ALDH16A1: variants seen among roughly 807,000 people sequenced by gnomAD.
ALDH16A1 encodes aldehyde dehydrogenase family 16 member A1.
Under a neutral mutation model 96.1 loss-of-function variants are expected in ALDH16A1, and 88 were observed. The observed-to-expected ratio is 0.92, with a 90% CI of 0.77 to 1.09. The LOEUF (loss-of-function observed/expected upper bound fraction) is 1.09. Among genes scored for constraint, ALDH16A1 ranks in the 50% least tolerant of loss-of-function variants. ALDH16A1 has a pLI of 0.00. For missense variants in ALDH16A1, 1,250 were observed against 1,112.6 expected (o/e 1.12, Z -1.76); for synonymous variants, 522 against 496.4 (o/e 1.05, Z -0.69).
In ALDH16A1 at chr19:49,460,820, A is replaced by G; in HGVS notation, c.500-2A>G. The G allele has an allele frequency of 6.2e-7, 1 of 1,611,234 alleles. No homozygotes were observed. The stretch of plus-strand genomic sequence containing the variant: ...TCCTCTTGCCTCATTTTTTTCTTGC[A>G]GGAGTAATTGGCCTCATCCTGCCAC... On this transcript the variant is annotated splice_acceptor_variant, in intron 4 of 16. Coordinates refer to ENST00000293350, the MANE Select transcript of ALDH16A1 (RefSeq NM_153329.4). LOFTEE classifies it high-confidence loss of function.
chr19:49,461,831 G>A (rs368534216), intron 6 of ALDH16A1, 31 bp downstream of exon 6: 13 of 1,603,052 alleles, frequency 8.1e-6, no homozygotes, highest in South Asian at 3.3e-5. Context: ...GTGGCGGAAC[G>A]CGGCTGGGGG....
In ALDH16A1 at chr19:49,460,917, G is replaced by A. The variant is rs979181412; in HGVS notation, c.577+18G>A. ...GGCTGTGGGTAAATGATGGCCTGGGGGGTCCTGACTCTTGGGTCTGAGAAA... is the reference window on the plus strand; with the variant it reads ...GGCTGTGGGTAAATGATGGCCTGGGAGGTCCTGACTCTTGGGTCTGAGAAA... On this transcript the variant is annotated intron_variant, in intron 5 of 16. Coordinates refer to ENST00000293350, the MANE Select transcript of ALDH16A1 (RefSeq NM_153329.4). 1.2e-6 allele frequency: 2 copies of A among 1,609,838 alleles called. No individual in the cohort carries two copies. The highest frequency in any genetic ancestry group is 2.7e-5 in the African/African-American group (2 of 74,928).
chr19:49,465,904 G>A lies in ALDH16A1; in HGVS notation c.1735G>A (p.Gly579Ser), dbSNP rs1274738058. The A allele has an allele frequency of 2.5e-6, 4 of 1,613,400 alleles. No homozygotes were observed. In the South Asian group the frequency reaches 4.4e-5, roughly 18 times the overall value. ...GGAGGCCGCTCACCAGGCTTTCCCT[G>A]GGTAAGGGGTCACACGGGAAAGCCC... ...AVEAAHQAFP[G>S]WAGQSPGARA... is the part of the protein sequence containing the mutation. Residue 579 changes from glycine to serine, a missense_variant and splice_region_variant, in exon 13 of 17, where the codon GGC becomes AGC. By Grantham distance (56) the Gly-to-Ser change is moderately conservative. Coordinates refer to ENST00000293350, the MANE Select transcript of ALDH16A1 (RefSeq NM_153329.4).
At position 49,461,909 on chromosome 19, in the gene ALDH16A1, T is replaced by TG. The variant is rs1481728363; in HGVS notation, c.787dup (p.Ala263GlyfsTer56). ...GAAGGGCGTGCCCTTCGACGGAGCC[T>TG]GGCGGGAGAGTGTGCGGAGCTGGGC... On this transcript the variant is annotated frameshift_variant, in exon 7 of 17. Transcript: ENST00000293350. LOFTEE classifies it high-confidence loss of function. The TG allele has an allele frequency of 6.3e-7, 1 of 1,582,254 alleles. No individual in the cohort carries two copies. Among genetic ancestry groups the TG allele is most frequent in the Non-Finnish European group, 8.6e-7 (1 of 1,164,892 alleles).
rs1568645508 is a variant in ALDH16A1, at chr19:49,453,441, G to GC, written c.90+21dup. 2 of 1,513,778 alleles carry GC rather than the reference G, an allele frequency of 1.3e-6. No individual in the cohort carries two copies. Among genetic ancestry groups the GC allele is most frequent in the South Asian group, 2.4e-5 (2 of 83,010 alleles). 93.8% of individuals were successfully genotyped at this position (1,513,778 alleles called of 1,614,324 possible). ...GCACTGGTGAGAGTCTGCCCGGCCG[G>GC]CGCTGCTCGCTGCGTTCCCCAGGCC... On this transcript the variant is annotated intron_variant, in intron 1 of 16. Coordinates refer to ENST00000293350, the MANE Select transcript of ALDH16A1 (RefSeq NM_153329.4).
In ALDH16A1 at chr19:49,461,683, G is replaced by T. The variant is rs775119440; in HGVS notation, c.642G>T (p.Ala214=). ...SPAPLLLAQL[A]GELGPFPGIL... ...CGCCCCTCCTCCTGGCCCAGCTGGCGGGGGAGCTGGGCCCCTTCCCGGGAA... is the reference window on the plus strand; with the variant it reads ...CGCCCCTCCTCCTGGCCCAGCTGGCTGGGGAGCTGGGCCCCTTCCCGGGAA... The change falls in exon 6 of 17, where the codon GCG becomes GCT. Residue 214 remains alanine (A), a synonymous_variant. Transcript: ENST00000293350. 27 of 1,607,486 alleles carry T rather than the reference G, an allele frequency of 1.7e-5. No individual in the cohort carries two copies. In the South Asian group the frequency reaches 2.3e-4, roughly 14 times the overall value.
intron 7 of ALDH16A1, 66 bp from the exon 8 acceptor site, chr19:49,462,504 A>C (rs983941943): frequency 2.1e-5 from 33 of 1,540,878 alleles, no homozygotes; most frequent in Non-Finnish European, 2.9e-5. Context: ...CTCTGTCTTC[A>C]CTCTTCAGAT....
chr19:49,465,913 G>T lies in ALDH16A1; in HGVS notation c.1736+8G>T, dbSNP rs1481924998. 6.2e-7 allele frequency: 1 copy of T among 1,612,750 alleles called. No homozygotes were observed. Among genetic ancestry groups the T allele is most frequent in the Admixed American group, 1.7e-5 (1 of 59,848 alleles). ...TCACCAGGCTTTCCCTGGGTAAGGG[G>T]TCACACGGGAAAGCCCAAGGGTCAT... On this transcript the variant is annotated splice_region_variant and intron_variant, in intron 13 of 16. Transcript: ENST00000293350.
Position 49,459,728 on chromosome 19 carries a change from A to G in ALDH16A1, c.379A>G (p.Thr127Ala). The G allele has an allele frequency of 3.1e-6, 5 of 1,613,380 alleles. No individual in the cohort carries two copies. Among genetic ancestry groups the G allele is most frequent in the Non-Finnish European group, 4.2e-6 (5 of 1,179,770 alleles). ...RLLWTLESLV[T>A]GRAVREVRDG... ...GCTGTGGACCCTGGAATCCCTGGTGACTGGGCGGGCTGTTCGAGAGGTTCG... is the reference window on the plus strand; with the variant it reads ...GCTGTGGACCCTGGAATCCCTGGTGGCTGGGCGGGCTGTTCGAGAGGTTCG... The change falls in exon 4 of 17, where the codon ACT becomes GCT. Residue 127 changes from threonine (T) to alanine (A), a missense_variant. Thr to Ala is a moderately conservative substitution (Grantham distance 58). Coordinates refer to ENST00000293350, the MANE Select transcript of ALDH16A1 (RefSeq NM_153329.4). This position sits in a 1 kb window ranked among gnomAD's most constrained non-coding sequence, Gnocchi z 4.1.
rs1054043068 is a variant in ALDH16A1 at position 49,468,182 on chromosome 19, G to T, written c.1939-199G>T. 3 of 540,476 alleles carry T rather than the reference G, an allele frequency of 5.6e-6. No individual in the cohort carries two copies. The highest frequency in any genetic ancestry group is 2.0e-5 in the African/African-American group (1 of 50,898). The allele number at this position is 540,476 out of a possible 1,614,324, so 33.5% of individuals were successfully genotyped here. A position where few individuals can be genotyped will look rare whatever the true frequency, so the allele number is the denominator to read the frequency against. On this transcript the variant is annotated intron_variant, in intron 14 of 16. Transcript: ENST00000293350. This position sits in a 1 kb window ranked among gnomAD's most constrained non-coding sequence, Gnocchi z 4.4. ...CTCAAAAAAAAAAAAAAAGAAAGGC[G>T]GTTATGCAGGATGTTTCTCACCGCC... is the stretch of plus-strand genomic sequence containing the variant.
rs2079158751 is a variant in ALDH16A1, at chr19:49,462,498, G to A, written c.913-72G>A. ...CCATGTCCCTAGTTTTCCAGCCTCT[G>A]TCTTCACTCTTCAGATCACCAACTT... On this transcript the variant is annotated intron_variant, in intron 7 of 16. Transcript: ENST00000293350. 1.4e-5 allele frequency: 21 copies of A among 1,526,146 alleles called. No individual in the cohort carries two copies. The South Asian group carries it at 2.6e-4, about 19-fold the overall frequency. 94.5% of individuals were successfully genotyped at this position (1,526,146 alleles called of 1,614,324 possible).
intron 1 of ALDH16A1, among the ~76,000 whole-genome samples, chr19:49,455,697 A>T (rs948453278): frequency 6.6e-6 from 1 of 151,878 alleles, no homozygotes; most frequent in African/African-American, 2.4e-5. Context: ...GGAGTTTGAG[A>T]CCAGCCTGGG....
At chr19:49,470,195 G>A (rs1215892645) in intron 16 of ALDH16A1, 111 bp from the exon 17 acceptor site, 7 of 1,340,436 alleles carry the variant, frequency 5.2e-6, no homozygotes, top group Non-Finnish European at 7.3e-6. Flanking sequence ...TAGCTGCAGA[G>A]CCTGGGTCCA....
intron 14 of ALDH16A1, among the ~76,000 whole-genome samples, chr19:49,467,342 G>T (rs2079207060): frequency 6.6e-6 from 1 of 150,864 alleles, no homozygotes; most frequent in African/African-American, 2.4e-5. Context: ...TTCAACATGA[G>T]ATTTGGGTGG....
chr19:49,457,565 A>G (rs1472406192), intron 1 of ALDH16A1, among the ~76,000 whole-genome samples: 2 of 150,060 alleles, frequency 1.3e-5, no homozygotes, highest in Non-Finnish European at 3.0e-5. Flanking sequence ...AAAAAAAAAA[A>G]GAAAGAAAGA....
At position 49,464,297 on chromosome 19, in the gene ALDH16A1, C is replaced by T. The variant is rs758577738; in HGVS notation, c.1331+34C>T. 146 of 1,594,964 alleles carry T rather than the reference C, an allele frequency of 9.2e-5. 1 individual carries two copies. In the Middle Eastern group the frequency reaches 5.1e-3, roughly 56 times the overall value. ...GCGTGGCCCGGGCGCTCACTCCTCT[C>T]CTCATTCTTCCATCTTCATCTCCCT... On this transcript the variant is annotated intron_variant, in intron 10 of 16. Coordinates refer to ENST00000293350, the MANE Select transcript of ALDH16A1 (RefSeq NM_153329.4).
In ALDH16A1 at chr19:49,468,848, T is replaced by A. The variant is rs779554517; in HGVS notation, c.2125-16T>A. 5 of 1,605,922 alleles carry A rather than the reference T, an allele frequency of 3.1e-6. No individual in the cohort carries two copies. Among genetic ancestry groups the A allele is most frequent in the Non-Finnish European group, 2.6e-6 (3 of 1,176,018 alleles). ...CCCCACGGCCTCCCCAACCTTTCAC[T>A]CTCTCTATCCCCTAGGACATGGCCA... On this transcript the variant is annotated splice_polypyrimidine_tract_variant and intron_variant, in intron 15 of 16. Coordinates refer to ENST00000293350, the MANE Select transcript of ALDH16A1 (RefSeq NM_153329.4). This position sits in a 1 kb window ranked among gnomAD's most constrained non-coding sequence, Gnocchi z 4.4.
chr19:49,464,376 C>A, intron 10 of ALDH16A1, 41 bp from the exon 11 acceptor site: 4 of 1,567,790 alleles, frequency 2.6e-6, no homozygotes, highest in Non-Finnish European at 3.5e-6. Context: ...GGCCTGCCAC[C>A]GTCTGTTTTC....
chr19:49,454,026 T>TTTGTG (rs1301356653), intron 1 of ALDH16A1, among the ~76,000 whole-genome samples: 15 of 125,454 alleles, frequency 1.2e-4, no homozygotes, highest in Non-Finnish European at 1.8e-4. Context: ...TTGGGTTTTT[T>TTTGTG]TTTTGTTTTT....
Sources: gnomAD v4.1 joint callset for allele counts (sites outside exome capture counted in the v4.1 genomes callset) on GRCh38, gnomAD v4.1.1 for gene constraint, Gnocchi (gnomAD v3.1) non-coding constraint, MANE v1.5 for transcripts, NCBI Gene and HGNC (gene_info 2026-07-23, HGNC 2026-07-21) for gene names.